The following ROBO1 variants were observed in gnomAD, a reference collection of about 807,000 sequenced individuals.
The protein encoded by ROBO1 is roundabout homolog 1.
Under a neutral mutation model 195.9 loss-of-function variants are expected in ROBO1, and 149 were observed. The observed-to-expected ratio is 0.76, with a 90% CI of 0.67 to 0.87. ROBO1 has a LOEUF of 0.87. ROBO1 is among the 40% of genes least tolerant of loss of function. ROBO1 has a pLI of 0.00. For missense variants in ROBO1, 1,933 were observed against 2,068.3 expected, an observed-to-expected ratio of 0.93 and a Z score of 1.27; for synonymous variants, 816 against 733.2, an observed-to-expected ratio of 1.11 and a Z score of -1.82.
At chr3:78,892,997 C>T (rs2036996023) in intron 4 of ROBO1, among the ~76,000 whole-genome samples, 1 of 152,154 alleles carries the variant, frequency 6.6e-6, no homozygotes, top group South Asian at 2.1e-4. Context: ...CAGGAAAGTG[C>T]AACCTCATAC....
chr3:79,211,419 T>C (rs930132178), intron 2 of ROBO1, among the ~76,000 whole-genome samples: 11 of 152,172 alleles, frequency 7.2e-5, no homozygotes, highest in Non-Finnish European at 1.5e-4. Context: ...AGGTAAGCAC[T>C]AATCAAAACT....
chr3:79,543,315 A>G (rs1210280407), intron 2 of ROBO1, among the ~76,000 whole-genome samples: 3 of 152,110 alleles, frequency 2.0e-5, no homozygotes, highest in Non-Finnish European at 2.9e-5. Flanking sequence ...TTAGAAACTG[A>G]CATTTTTCTT....
chr3:79,381,354 T>C (rs1469405587), intron 2 of ROBO1, among the ~76,000 whole-genome samples: 1 of 39,114 alleles, frequency 2.6e-5, no homozygotes, highest in Non-Finnish European at 4.4e-5. Flanking sequence ...AAACTCCGTC[T>C]CAAAAAAAAA....
intron 22 of ROBO1, among the ~76,000 whole-genome samples, chr3:78,639,140 TTGTC>T (rs1705754259): frequency 6.6e-6 from 1 of 151,364 alleles, no homozygotes; most frequent in Non-Finnish European, 1.5e-5. Flanking sequence ...AGTGAGACTC[TTGTC>T]AAAAAAATAA....
Position 78,714,606 on chromosome 3 carries a change from C to A in ROBO1, c.918-82G>T. On this transcript the variant is annotated intron_variant, in intron 7 of 30. Coordinates refer to ENST00000464233, the MANE Select transcript of ROBO1 (RefSeq NM_002941.4). ...TTATTATACACACAATGCTTCAAAG[C>A]ACATGCTACATTCTTTTCTGATAAC... 3.2e-6 allele frequency: 4 copies of A among 1,240,758 alleles called. No individual in the cohort carries two copies. In the South Asian group the frequency reaches 5.3e-5, roughly 17 times the overall value. 76.9% of individuals were successfully genotyped at this position (1,240,758 alleles called of 1,614,324 possible).
intron 10 of ROBO1, among the ~76,000 whole-genome samples, chr3:78,671,247 T>C (rs569372312): frequency 6.6e-6 from 1 of 152,166 alleles, no homozygotes; most frequent in South Asian, 2.1e-4. Context: ...AATCCTACAT[T>C]GAAGAGGTGT....
chr3:78,874,845 C>T (rs543142407), intron 4 of ROBO1, among the ~76,000 whole-genome samples: 1 of 151,876 alleles, frequency 6.6e-6, no homozygotes, highest in African/African-American at 2.4e-5. Context: ...ACTATTGTTA[C>T]CTCAATAATA....
At chr3:79,072,876 G>T (rs2108440983) in intron 3 of ROBO1, among the ~76,000 whole-genome samples, 1 of 151,936 alleles carries the variant, frequency 6.6e-6, no homozygotes, top group East Asian at 1.9e-4. Flanking sequence ...CAACAACAAT[G>T]CAAAATTTGC....
chr3:79,612,526 G>C (rs1369742592), intron 1 of ROBO1, among the ~76,000 whole-genome samples: 5 of 151,368 alleles, frequency 3.3e-5, no homozygotes, highest in Non-Finnish European at 7.4e-5. Context: ...ATGATTTATA[G>C]TCCTTTGGGT....
intron 1 of ROBO1, among the ~76,000 whole-genome samples, chr3:79,714,251 T>A (rs1046353058): frequency 1.3e-5 from 2 of 151,996 alleles, no homozygotes; most frequent in African/African-American, 4.8e-5. Context: ...TGAAAAAATA[T>A]TCATCATCAC....
At chr3:79,341,863 G>A (rs1037600612) in intron 2 of ROBO1, among the ~76,000 whole-genome samples, 11 of 152,020 alleles carry the variant, frequency 7.2e-5, no homozygotes, top group Admixed American at 5.2e-4. Context: ...CTTCTTTTGC[G>A]TTTTCTACAC....
chr3:79,214,826 ATT>A lies in ROBO1; in HGVS notation c.89-89289_89-89288del, dbSNP rs60371742. Reference sequence around the variant, plus strand: ...CAAAACTGCAAATATATATATATATATTTTTTTTTTTTTTGAGGTACAGTTTG... The same window carrying A: ...CAAAACTGCAAATATATATATATATATTTTTTTTTTTTGAGGTACAGTTTG... On this transcript the variant is annotated intron_variant, in intron 2 of 30. Coordinates refer to ENST00000464233, the MANE Select transcript of ROBO1 (RefSeq NM_002941.4). 7.2e-3 allele frequency among the ~76,000 whole-genome samples: 933 copies of A among 129,106 alleles called. 10 individuals carry two copies. The highest frequency in any genetic ancestry group is 0.027 in the African/African-American group (870 of 31,844). 84.7% of individuals were successfully genotyped at this position (129,106 alleles called of 152,430 possible).
At chr3:79,492,309 T>C (rs926827519) in intron 2 of ROBO1, among the ~76,000 whole-genome samples, 4 of 151,016 alleles carry the variant, frequency 2.6e-5, no homozygotes, top group Non-Finnish European at 5.9e-5. Context: ...CCTGTAATCC[T>C]AGCTACTTGG....
intron 3 of ROBO1, among the ~76,000 whole-genome samples, chr3:79,097,188 G>A (rs1230161736): frequency 6.6e-6 from 1 of 151,644 alleles, no homozygotes; most frequent in African/African-American, 2.4e-5. Context: ...AACATATATT[G>A]TATACAAACA....
At chr3:79,633,353 C>CTTTTTT (rs58016604) in intron 1 of ROBO1, among the ~76,000 whole-genome samples, 1 of 119,892 alleles carries the variant, frequency 8.3e-6, no homozygotes, top group Non-Finnish European at 1.6e-5. Flanking sequence ...TTTTGCATTT[C>CTTTTTT]TTTTTTTTTT....
intron 8 of ROBO1, among the ~76,000 whole-genome samples, chr3:78,700,883 C>T (rs775316799): frequency 7.2e-5 from 11 of 152,130 alleles, no homozygotes; most frequent in South Asian, 2.1e-4. Context: ...CCTGCCTCAG[C>T]CTCCTGAGTA....
chr3:78,913,707 TAG>T (rs2038390743), intron 4 of ROBO1, among the ~76,000 whole-genome samples: 1 of 152,138 alleles, frequency 6.6e-6, no homozygotes, highest in African/African-American at 2.4e-5. Context: ...TGTGAAATGT[TAG>T]AGTTTCTGAT....
At chr3:78,921,328 C>A (rs1199844049) in intron 4 of ROBO1, among the ~76,000 whole-genome samples, 6 of 152,126 alleles carry the variant, frequency 3.9e-5, no homozygotes, top group Admixed American at 3.9e-4. Flanking sequence ...ATTTCAGTGG[C>A]AATTATGCAT....
chr3:79,215,030 C>A (rs1322897362), intron 2 of ROBO1, among the ~76,000 whole-genome samples: 7 of 151,948 alleles, frequency 4.6e-5, no homozygotes, highest in African/African-American at 9.7e-5. Flanking sequence ...TTTTGCCAAA[C>A]GCAAGCTCCC....
Sources: gnomAD v4.1 joint callset for allele counts (sites outside exome capture counted in the v4.1 genomes callset) on GRCh38, gnomAD v4.1.1 for gene constraint, MANE v1.5 for transcripts, NCBI Gene and HGNC (gene_info 2026-07-23, HGNC 2026-07-21) for gene names.